CNTNAP3B: variants seen among roughly 807,000 people sequenced by gnomAD.
CNTNAP3B encodes the protein contactin-associated protein-like 3B.
In CNTNAP3B, 25 loss-of-function variants were observed where a neutral mutation model predicts 108.9. The ratio of observed to expected loss-of-function variants is 0.23; its 90% CI spans 0.17 to 0.32. The LOEUF (loss-of-function observed/expected upper bound fraction) is 0.32, where lower values mean the gene tolerates loss of function less well. Ranked by LOEUF, CNTNAP3B falls within the 10% of genes least tolerant of loss-of-function variation. CNTNAP3B has a pLI of 1.00. For missense variants in CNTNAP3B, 252 were observed against 1,210.4 expected (o/e 0.21, Z 11.75); for synonymous variants, 103 against 473.4 (o/e 0.22, Z 10.16).
Position 42,081,354 on chromosome 9 carries a change from C to T in CNTNAP3B, c.197-4292G>A, listed in dbSNP as rs1167879532. The stretch of plus-strand genomic sequence containing the variant: ...ACAACATAGGATTTATCTTATGTAC[C>T]GTTTTATCCACTTTTAAGTTTTCAA... On this transcript the variant is annotated intron_variant, in intron 2 of 23. Coordinates refer to ENST00000377561, the MANE Select transcript of CNTNAP3B (RefSeq NM_001201380.3). Among the ~76,000 whole-genome samples, 8 of 148,750 alleles carry T rather than the reference C, an allele frequency of 5.4e-5. 1 individual carries two copies. Among genetic ancestry groups the T allele is most frequent in the Non-Finnish European group, 8.9e-5 (6 of 67,338 alleles).
Position 42,047,402 on chromosome 9 carries a change from A to G in CNTNAP3B, c.390+29467T>C, listed in dbSNP as rs1429264516. ...CTAAAATCAGGAGGAAAAAAGCAGA[A>G]AGCAAAACCAAAGCAAATTCAATCC... On this transcript the variant is annotated intron_variant, in intron 3 of 23. Transcript: ENST00000377561. 1.5e-5 allele frequency among the ~76,000 whole-genome samples: 2 copies of G among 132,522 alleles called. 1 individual carries two copies. Among genetic ancestry groups the G allele is most frequent in the Non-Finnish European group, 3.2e-5 (2 of 62,884 alleles). The allele number at this position is 132,522 out of a possible 152,430, so 86.9% of individuals were successfully genotyped here.
rs1162964226 is a variant in CNTNAP3B at position 42,107,985 on chromosome 9, AAAAG to A, written c.86-3250_86-3247del. Among the ~76,000 whole-genome samples, 11 of 134,220 alleles carry A rather than the reference AAAAG, an allele frequency of 8.2e-5. 2 individuals are homozygous for A. The highest frequency in any genetic ancestry group is 2.4e-4 in the African/African-American group (8 of 33,482). The allele number at this position is 134,220 out of a possible 152,430, so 88.1% of individuals were successfully genotyped here. A position where few individuals can be genotyped will look rare whatever the true frequency, so the allele number is the denominator to read the frequency against. ...GAAAGACTCCGTCTTAAAAAAAAAA[AAAAG>A]AAAGAAAGAAAGGCACTAAATTTTA... is the stretch of plus-strand genomic sequence containing the variant. On this transcript the variant is annotated intron_variant, in intron 1 of 23. Transcript: ENST00000377561.
rs1353897100 is a variant in CNTNAP3B at position 42,093,276 on chromosome 9, C to T, written c.196+11353G>A. ...AGGAGAATAGCTTGAACCCAGGAAGCGGAGGTTGCAGTCAGCCGAGATCAC... is the reference window on the plus strand; with the variant it reads ...AGGAGAATAGCTTGAACCCAGGAAGTGGAGGTTGCAGTCAGCCGAGATCAC... On this transcript the variant is annotated intron_variant, in intron 2 of 23. Transcript: ENST00000377561. Among the ~76,000 whole-genome samples, 12 of 94,846 alleles carry T rather than the reference C, an allele frequency of 1.3e-4. 4 individuals are homozygous for T. The highest frequency in any genetic ancestry group is 4.7e-4 in the African/African-American group (12 of 25,342). The allele number at this position is 94,846 out of a possible 152,430, so 62.2% of individuals were successfully genotyped here.
At chr9:41,973,058 C>T (rs1246231184) in intron 9 of CNTNAP3B, among the ~76,000 whole-genome samples, 5 of 138,736 alleles carry the variant, frequency 3.6e-5, no homozygotes, top group Admixed American at 2.2e-4. Flanking sequence ...CTGCCTCAGC[C>T]TCCCGAGTGG....
intron 14 of CNTNAP3B, among the ~76,000 whole-genome samples, chr9:41,931,195 A>G (rs1823968204): frequency 6.6e-6 from 1 of 152,298 alleles, no homozygotes; most frequent in Non-Finnish European, 1.5e-5. Context: ...AAAAAATTAA[A>G]TTGGCATGTC....
intron 10 of CNTNAP3B, among the ~76,000 whole-genome samples, chr9:41,966,182 C>A (rs62556397): frequency 7.8e-3 from 1,172 of 151,128 alleles, no homozygotes; most frequent in South Asian, 0.03. Context: ...TCCCCCACAT[C>A]CTTCTCCCCC....
chr9:42,115,292 C>A lies in CNTNAP3B; in HGVS notation c.86-10553G>T. ...ATGGTCGAATAGGAACAGCTCCAGT[C>A]TACAGCTCCCAGCATGAACGACGCA... is the stretch of plus-strand genomic sequence containing the variant. On this transcript the variant is annotated intron_variant, in intron 1 of 23. Transcript: ENST00000377561. Among the ~76,000 whole-genome samples the A allele has an allele frequency of 1.5e-5, 2 of 134,066 alleles. 1 individual carries two copies. 88.0% of individuals were successfully genotyped at this position (134,066 alleles called of 152,430 possible).
chr9:41,969,168 G>A (rs1447330315), intron 10 of CNTNAP3B, among the ~76,000 whole-genome samples: 3 of 152,154 alleles, frequency 2.0e-5, no homozygotes, highest in Middle Eastern at 3.4e-3. Context: ...AATGTACTGG[G>A]GCAAATTGTA....
At chr9:41,941,849 C>A (rs1279117596) in intron 13 of CNTNAP3B, among the ~76,000 whole-genome samples, 1 of 151,676 alleles carries the variant, frequency 6.6e-6, no homozygotes, top group Non-Finnish European at 1.5e-5. Flanking sequence ...AGGGTCAACA[C>A]ACCTTCAAGA....
chr9:42,046,111 A>G lies in CNTNAP3B; in HGVS notation c.390+30758T>C, dbSNP rs1311321645. Reference sequence around the variant, plus strand: ...GTGCTGTGGGCTCACTTTGCAAACCACACAAGGACCGGCCTGTGAGAAACT... The same window carrying G: ...GTGCTGTGGGCTCACTTTGCAAACCGCACAAGGACCGGCCTGTGAGAAACT... On this transcript the variant is annotated intron_variant, in intron 3 of 23. Transcript: ENST00000377561. Among the ~76,000 whole-genome samples, 9 of 125,108 alleles carry G rather than the reference A, an allele frequency of 7.2e-5. 1 individual carries two copies. Among genetic ancestry groups the G allele is most frequent in the African/African-American group, 3.0e-4 (9 of 30,400 alleles). 82.1% of individuals were successfully genotyped at this position (125,108 alleles called of 152,430 possible).
intron 1 of CNTNAP3B, among the ~76,000 whole-genome samples, chr9:42,117,775 A>T (rs530352167): frequency 7.3e-6 from 1 of 137,502 alleles, no homozygotes; most frequent in East Asian, 2.2e-4. Flanking sequence ...TTGATAGACC[A>T]CTAGCAAGAC....
intron 15 of CNTNAP3B, among the ~76,000 whole-genome samples, chr9:41,926,128 G>A (rs1207012100): frequency 4.6e-5 from 7 of 152,374 alleles, no homozygotes; most frequent in Non-Finnish European, 8.8e-5. Context: ...GGATACCTCC[G>A]TTTTTAACCC....
intron 14 of CNTNAP3B, among the ~76,000 whole-genome samples, chr9:41,936,290 A>T (rs1824154368): frequency 6.6e-6 from 1 of 150,764 alleles, no homozygotes. Flanking sequence ...ACAAAAACAA[A>T]ACAAAACGGT....
At chr9:42,026,635 C>T (rs1414587524) in intron 3 of CNTNAP3B, among the ~76,000 whole-genome samples, 2 of 100,848 alleles carry the variant, frequency 2.0e-5, no homozygotes, top group Non-Finnish European at 4.0e-5. Flanking sequence ...CATTGCAAAG[C>T]AGAATTTTCA....
At chr9:41,945,683 T>C (rs1427938289) in intron 13 of CNTNAP3B, among the ~76,000 whole-genome samples, 1 of 152,300 alleles carries the variant, frequency 6.6e-6, no homozygotes, top group East Asian at 1.9e-4. Context: ...AGTTAATGGG[T>C]GCAGCACACC....
intron 14 of CNTNAP3B, among the ~76,000 whole-genome samples, chr9:41,934,184 C>CCCATAT (rs1824079680): frequency 1.2e-5 from 1 of 83,076 alleles, no homozygotes; most frequent in Non-Finnish European, 2.5e-5. Flanking sequence ...TATACACACA[C>CCCATAT]ACACATATAT....
chr9:42,125,719 G>T, intron 1 of CNTNAP3B, among the ~76,000 whole-genome samples: 1 of 124,472 alleles, frequency 8.0e-6, no homozygotes. Flanking sequence ...CACCCAGGCT[G>T]GAGTGCAGTG....
At chr9:41,935,080 T>C (rs1461261743) in intron 14 of CNTNAP3B, among the ~76,000 whole-genome samples, 1 of 152,288 alleles carries the variant, frequency 6.6e-6, no homozygotes, top group Non-Finnish European at 1.5e-5. Context: ...CATAGTCCAC[T>C]ATACATTTAT....
chr9:41,934,623 A>G (rs1442399785), intron 14 of CNTNAP3B, among the ~76,000 whole-genome samples: 1 of 152,282 alleles, frequency 6.6e-6, no homozygotes, highest in African/African-American at 2.4e-5. Context: ...TTTATCCCTA[A>G]CAATGCTTTT....
Sources: gnomAD v4.1 joint callset for allele counts (sites outside exome capture counted in the v4.1 genomes callset) on GRCh38, gnomAD v4.1.1 for gene constraint, MANE v1.5 for transcripts, NCBI Gene and HGNC (gene_info 2026-07-23, HGNC 2026-07-21) for gene names.